The following IQGAP2 variants were observed in gnomAD, a reference collection of about 807,000 sequenced individuals.
IQGAP2 encodes ras GTPase-activating-like protein IQGAP2.
IQGAP2 carries 173 observed loss-of-function variants against 201.3 expected under a neutral mutation model. That is an observed-to-expected ratio of 0.86 (90% CI 0.76 to 0.98). The LOEUF is 0.98. Among genes scored for constraint, IQGAP2 ranks in the 50% least tolerant of loss-of-function variants. The probability of loss-of-function intolerance (pLI) is 0.00; values close to 1 mark genes in which losing one functional copy is unlikely to be tolerated. For synonymous variants in IQGAP2, 675 were observed against 673.9 expected (o/e 1.00, Z -0.03); for missense variants, 1,687 against 1,864.8 (o/e 0.90, Z 1.76).
At chr5:76,544,418 G>T (rs1440407555) in intron 2 of IQGAP2, among the ~76,000 whole-genome samples, 1 of 152,132 alleles carries the variant, frequency 6.6e-6, no homozygotes. Context: ...GGCCTAGGAG[G>T]ATATTCTGGG....
intron 15 of IQGAP2, 88 bp from the exon 16 acceptor site, chr5:76,636,946 A>T (rs1289515731): frequency 2.8e-6 from 3 of 1,063,334 alleles, no homozygotes; most frequent in Non-Finnish European, 3.9e-6. Flanking sequence ...TGAAAAACAT[A>T]TTCAATTATT....
intron 21 of IQGAP2, among the ~76,000 whole-genome samples, chr5:76,661,248 C>T (rs997671520): frequency 6.6e-6 from 1 of 152,010 alleles, no homozygotes; most frequent in Non-Finnish European, 1.5e-5. Flanking sequence ...CAGCATTCCT[C>T]CTAAAATCCT....
chr5:76,457,948 T>G (rs944593583), intron 1 of IQGAP2, among the ~76,000 whole-genome samples: 4 of 152,240 alleles, frequency 2.6e-5, no homozygotes, highest in Admixed American at 1.3e-4. Flanking sequence ...TTTTTGTGGT[T>G]CACGGCAGCA....
chr5:76,502,340 A>G (rs567683135), intron 2 of IQGAP2, among the ~76,000 whole-genome samples: 20 of 152,352 alleles, frequency 1.3e-4, no homozygotes, highest in South Asian at 1.0e-3. Flanking sequence ...GGTTAACCTC[A>G]CCAAAGTATT....
rs567410789 is a variant in IQGAP2 at position 76,413,156 on chromosome 5, CTTTTTTTTTTTTTT to C, written c.46+9582_46+9595del. Among the ~76,000 whole-genome samples the C allele has an allele frequency of 5.4e-3, 450 of 83,692 alleles. 2 individuals carry two copies. The highest frequency in any genetic ancestry group is 0.011 in the South Asian group (26 of 2,310). 54.9% of individuals were successfully genotyped at this position (83,692 alleles called of 152,430 possible). ...TATTTTCTTTTTTCTTTTCTTTTCT[CTTTTTTTTTTTTTT>C]TTTTTTTTTTTTTTTTGCGATGGAG... On this transcript the variant is annotated intron_variant, in intron 1 of 35. Transcript: ENST00000274364.
At chr5:76,626,979 G>A (rs1190107716) in intron 13 of IQGAP2, among the ~76,000 whole-genome samples, 4 of 152,264 alleles carry the variant, frequency 2.6e-5, no homozygotes, top group East Asian at 1.9e-4. Context: ...GGGCCATGCC[G>A]TTGGAGCCCC....
chr5:76,413,546 G>T (rs1411001193), intron 1 of IQGAP2, among the ~76,000 whole-genome samples: 1 of 152,174 alleles, frequency 6.6e-6, no homozygotes, highest in Non-Finnish European at 1.5e-5. Flanking sequence ...CAATTTGGGT[G>T]GGGACCAAAT....
intron 1 of IQGAP2, among the ~76,000 whole-genome samples, chr5:76,407,301 C>G (rs1349551966): frequency 6.6e-6 from 1 of 152,122 alleles, no homozygotes; most frequent in Admixed American, 6.5e-5. Flanking sequence ...ACTCTCTGCT[C>G]TTATCTGAAT....
chr5:76,454,657 G>A (rs1753965976), intron 1 of IQGAP2, among the ~76,000 whole-genome samples: 1 of 150,598 alleles, frequency 6.6e-6, no homozygotes, highest in Admixed American at 6.6e-5. Flanking sequence ...ATTCCATGGT[G>A]TATATGTGCC....
intron 1 of IQGAP2, among the ~76,000 whole-genome samples, chr5:76,433,511 A>G (rs56373165): frequency 0.095 from 14,443 of 152,116 alleles, 1,763 homozygotes; most frequent in African/African-American, 0.29. Flanking sequence ...AATGCATATA[A>G]ACTCTCCCAC....
At chr5:76,517,035 G>A (rs1758373152) in intron 2 of IQGAP2, among the ~76,000 whole-genome samples, 1 of 152,126 alleles carries the variant, frequency 6.6e-6, no homozygotes, top group South Asian at 2.1e-4. Flanking sequence ...TTAACAGTCG[G>A]TAAGAGAGCT....
In IQGAP2 at chr5:76,665,063, AAGG is replaced by A. The variant is rs746433673; in HGVS notation, c.2573_2575del (p.Gly858del). On this transcript the variant is annotated inframe_deletion, in exon 22 of 36. Transcript: ENST00000274364. Reference sequence around the variant, plus strand: ...CATAGTAAAAAGCTGAACAAGAAAAAAGGAGGAGAAATGGAAATACTGAATAAC... The same window carrying A: ...CATAGTAAAAAGCTGAACAAGAAAAAAGGAGAAATGGAAATACTGAATAAC... 3.4e-5 allele frequency: 54 copies of A among 1,594,780 alleles called. No individual in the cohort carries two copies. The highest frequency in any genetic ancestry group is 4.4e-5 in the Non-Finnish European group (51 of 1,162,900).
intron 2 of IQGAP2, among the ~76,000 whole-genome samples, chr5:76,509,027 ATATGTGTG>A (rs1298678409): frequency 1.2e-5 from 1 of 83,708 alleles, no homozygotes; most frequent in Non-Finnish European, 2.5e-5. Flanking sequence ...GGCTGTATAT[ATATGTGTG>A]TGTGTGTGTG....
intron 15 of IQGAP2, 42 bp downstream of exon 15, chr5:76,632,068 A>G (rs761726863): frequency 4.1e-6 from 6 of 1,456,906 alleles, no homozygotes; most frequent in South Asian, 1.3e-5. Context: ...AGTATTTTAA[A>G]TATCATTTCT....
intron 1 of IQGAP2, among the ~76,000 whole-genome samples, chr5:76,453,671 C>T (rs920576895): frequency 1.3e-5 from 2 of 152,164 alleles, no homozygotes; most frequent in Non-Finnish European, 2.9e-5. Flanking sequence ...TTCTGCTTAA[C>T]AGTTGTAAAA....
At chr5:76,523,481 G>C (rs1474894598) in intron 2 of IQGAP2, among the ~76,000 whole-genome samples, 1 of 152,136 alleles carries the variant, frequency 6.6e-6, no homozygotes, top group Non-Finnish European at 1.5e-5. Context: ...GTTGAAACAG[G>C]GAATTTGCAT....
chr5:76,490,787 T>TA (rs1001069787), intron 2 of IQGAP2, among the ~76,000 whole-genome samples: 14 of 151,088 alleles, frequency 9.3e-5, no homozygotes, highest in Admixed American at 2.0e-4. Context: ...ACCATTATGT[T>TA]AAAAAAAAAT....
chr5:76,559,688 G>T (rs999451111), intron 2 of IQGAP2, among the ~76,000 whole-genome samples: 2 of 152,082 alleles, frequency 1.3e-5, no homozygotes, highest in African/African-American at 2.4e-5. Context: ...CGTTTCATTC[G>T]ATGTCATTTC....
At chr5:76,511,694 T>TG (rs1757974598) in intron 2 of IQGAP2, among the ~76,000 whole-genome samples, 5 of 151,638 alleles carry the variant, frequency 3.3e-5, no homozygotes, top group African/African-American at 1.2e-4. Context: ...TTGTTTTTTT[T>TG]TTTTGAGACG....
Sources: allele counts gnomAD v4.1 joint callset (sites outside exome capture counted in the v4.1 genomes callset), GRCh38; gene constraint gnomAD v4.1.1; transcripts MANE v1.5; gene names NCBI Gene and HGNC (gene_info 2026-07-23, HGNC 2026-07-21).